Variants in KAZN observed in about 807,000 individuals in gnomAD.
KAZN encodes the protein kazrin.
KAZN carries 40 observed loss-of-function variants against 87.4 expected under a neutral mutation model. The observed-to-expected ratio is 0.46, with a 90% CI of 0.36 to 0.60. The LOEUF (loss-of-function observed/expected upper bound fraction) is 0.60, where lower values mean the gene tolerates loss of function less well. Among genes scored for constraint, KAZN ranks in the 20% least tolerant of loss-of-function variants. The probability of loss-of-function intolerance (pLI) is 0.00; values close to 1 mark genes in which losing one functional copy is unlikely to be tolerated. For missense variants in KAZN, 898 were observed against 1,073.9 expected, an observed-to-expected ratio of 0.84 and a Z score of 2.29; for synonymous variants, 466 against 458.3, an observed-to-expected ratio of 1.02 and a Z score of -0.22.
chr1:13,903,200 A>T (rs1466667353), intron 1 of KAZN, among the ~76,000 whole-genome samples: 12 of 152,208 alleles, frequency 7.9e-5, no homozygotes, highest in Admixed American at 7.9e-4. Flanking sequence ...CTGGGCGATG[A>T]TGTTCAGACC....
chr1:14,443,817 A>G (rs1191931992), intron 2 of KAZN, among the ~76,000 whole-genome samples: 1 of 152,192 alleles, frequency 6.6e-6, no homozygotes, highest in African/African-American at 2.4e-5. Context: ...CCAAAATGGT[A>G]TAGCAGCATT....
At chr1:13,979,631 A>G (rs2101071053) in intron 1 of KAZN, among the ~76,000 whole-genome samples, 1 of 152,340 alleles carries the variant, frequency 6.6e-6, no homozygotes, top group South Asian at 2.1e-4. Flanking sequence ...AATACCGTGT[A>G]GAACTTAAAA....
At chr1:14,472,026 G>A (rs1230202242) in intron 2 of KAZN, among the ~76,000 whole-genome samples, 3 of 152,138 alleles carry the variant, frequency 2.0e-5, no homozygotes, top group Admixed American at 6.5e-5. Flanking sequence ...GGCACCAGAC[G>A]ATTCAGTGTC....
chr1:14,145,586 CTT>C (rs535021922), intron 1 of KAZN, among the ~76,000 whole-genome samples: 1 of 145,724 alleles, frequency 6.9e-6, no homozygotes, highest in Non-Finnish European at 1.5e-5. Context: ...GACAGTATAC[CTT>C]TTTTTTTTTT....
chr1:14,111,994 TC>T (rs1433024044), intron 1 of KAZN, among the ~76,000 whole-genome samples: 1 of 152,016 alleles, frequency 6.6e-6, no homozygotes, highest in East Asian at 1.9e-4. Flanking sequence ...CACCTCGGCC[TC>T]CCAAAATGCT....
chr1:14,479,355 C>T (rs552437373), intron 2 of KAZN, among the ~76,000 whole-genome samples: 3 of 152,322 alleles, frequency 2.0e-5, no homozygotes, highest in East Asian at 1.9e-4. Context: ...AGCTATGGTT[C>T]GCCATGGCCA....
intron 2 of KAZN, among the ~76,000 whole-genome samples, chr1:14,559,067 T>G (rs1454733421): frequency 2.6e-5 from 4 of 152,112 alleles, no homozygotes; most frequent in African/African-American, 9.7e-5. Flanking sequence ...ATCTTTTAGC[T>G]CAAGCACCTC....
chr1:14,340,707 G>A (rs1235438031), intron 2 of KAZN, among the ~76,000 whole-genome samples: 2 of 152,096 alleles, frequency 1.3e-5, no homozygotes, highest in Admixed American at 1.3e-4. Context: ...GAAGTCCCGT[G>A]GAAGGAGCCA....
At chr1:13,982,866 T>C (rs1352160904) in intron 1 of KAZN, among the ~76,000 whole-genome samples, 1 of 151,796 alleles carries the variant, frequency 6.6e-6, no homozygotes, top group Admixed American at 6.6e-5. Flanking sequence ...GAGTGCCCAT[T>C]GGTGTATTTA....
chr1:14,360,029 G>A (rs1659374544), intron 2 of KAZN, among the ~76,000 whole-genome samples: 4 of 152,118 alleles, frequency 2.6e-5, no homozygotes, highest in African/African-American at 9.7e-5. Flanking sequence ...TCTGAAGAGT[G>A]GAGCTTTCCA....
chr1:14,924,368 C>A, intron 1 of KAZN: 1 of 989,154 alleles, frequency 1.0e-6, no homozygotes, highest in African/African-American at 1.8e-5. Flanking sequence ...ACCCGGCATG[C>A]GGGCGGCCGA....
intron 2 of KAZN, among the ~76,000 whole-genome samples, chr1:14,992,242 G>A (rs10803333): frequency 0.37 from 55,564 of 152,010 alleles, 11,015 homozygotes; most frequent in African/African-American, 0.52. Flanking sequence ...ACCTCCTCAG[G>A]GAGAAGCAGG....
intron 2 of KAZN, among the ~76,000 whole-genome samples, chr1:14,289,345 C>G (rs541047045): frequency 6.6e-6 from 1 of 152,250 alleles, no homozygotes; most frequent in South Asian, 2.1e-4. Flanking sequence ...TAAGGACTTG[C>G]TTTATGAATC....
At chr1:14,202,125 G>A (rs1363103097) in intron 2 of KAZN, among the ~76,000 whole-genome samples, 1 of 152,190 alleles carries the variant, frequency 6.6e-6, no homozygotes, top group African/African-American at 2.4e-5. Context: ...ACTAGAGCAA[G>A]ATGGGGGTCA....
At chr1:15,113,415 T>C (rs1641725458) in intron 14 of KAZN, 1 of 152,028 alleles carries the variant, frequency 6.6e-6, no homozygotes, top group Non-Finnish European at 1.5e-5. Context: ...AAAAACTGTC[T>C]AAAAAGTCTC....
chr1:14,033,071 A>C (rs984994901), intron 1 of KAZN, among the ~76,000 whole-genome samples: 3 of 152,184 alleles, frequency 2.0e-5, no homozygotes, highest in South Asian at 2.1e-4. Context: ...CTTGGCACAA[A>C]AAGACATTTG....
At chr1:14,273,703 A>G (rs1403244078) in intron 2 of KAZN, among the ~76,000 whole-genome samples, 1 of 152,220 alleles carries the variant, frequency 6.6e-6, no homozygotes, top group East Asian at 1.9e-4. Flanking sequence ...ATGCCAGACC[A>G]TCTTTCCTTC....
At chr1:14,031,049 C>A (rs186187399) in intron 1 of KAZN, among the ~76,000 whole-genome samples, 2 of 152,070 alleles carry the variant, frequency 1.3e-5, no homozygotes, top group Non-Finnish European at 2.9e-5. Context: ...GATGTAATAC[C>A]GTCCTTCCTT....
At chr1:13,931,984 G>A (rs1640532689) in intron 1 of KAZN, among the ~76,000 whole-genome samples, 1 of 150,968 alleles carries the variant, frequency 6.6e-6, no homozygotes, top group Non-Finnish European at 1.5e-5. Flanking sequence ...TGGAACTACA[G>A]GCACGTACTG....
Sources: gnomAD v4.1 joint callset for allele counts (sites outside exome capture counted in the v4.1 genomes callset) on GRCh38, gnomAD v4.1.1 for gene constraint, MANE v1.5 for transcripts, NCBI Gene and HGNC (gene_info 2026-07-23, HGNC 2026-07-21) for gene names.